Variants in GPR89B observed in about 807,000 individuals in gnomAD.
GPR89B encodes golgi pH regulator B.
GPR89B carries 25 observed loss-of-function variants against 52.4 expected under a neutral mutation model. The ratio of observed to expected loss-of-function variants is 0.48; its 90% CI spans 0.35 to 0.67. GPR89B has a LOEUF of 0.67. GPR89B is among the 30% of genes least tolerant of loss of function. The pLI is 0.01. For synonymous variants in GPR89B, 52 were observed against 151.2 expected, an observed-to-expected ratio of 0.34 and a Z score of 4.81; for missense variants, 146 against 450.2, an observed-to-expected ratio of 0.32 and a Z score of 6.11.
chr1:147,947,569 AATG>A (rs1231911738), intron 5 of GPR89B, among the ~76,000 whole-genome samples: 1 of 151,816 alleles, frequency 6.6e-6, no homozygotes, highest in African/African-American at 2.4e-5. Context: ...AAATGGGGAT[AATG>A]ATGACTGACT....
intron 12 of GPR89B, 117 bp from the exon 13 acceptor site, chr1:147,992,385 A>T: frequency 2.6e-6 from 2 of 774,860 alleles, no homozygotes; most frequent in Non-Finnish European, 4.7e-6. Flanking sequence ...GAATTGTTCT[A>T]TACAGGATTG....
chr1:147,930,851 C>T (rs1653528916), intron 1 of GPR89B, among the ~76,000 whole-genome samples: 1 of 152,090 alleles, frequency 6.6e-6, no homozygotes, highest in Admixed American at 6.5e-5. Context: ...CCTGGCCATG[C>T]TATGGTGCCT....
the GPR89B span, among the ~76,000 whole-genome samples, chr1:148,006,939 A>T: frequency 1.3e-5 from 2 of 150,104 alleles, no homozygotes; most frequent in African/African-American, 4.9e-5. Context: ...CTTGTCTCGA[A>T]CTCCTGACCT....
chr1:147,938,105 C>A (rs1159421602), intron 2 of GPR89B, among the ~76,000 whole-genome samples: 9 of 152,068 alleles, frequency 5.9e-5, no homozygotes, highest in Non-Finnish European at 1.2e-4. Context: ...TGACTTCCCG[C>A]AACACAAGGC....
At chr1:147,970,567 C>A (rs1284239103) in intron 10 of GPR89B, among the ~76,000 whole-genome samples, 2,964 of 142,310 alleles carry the variant, frequency 0.021, 88 homozygotes, top group African/African-American at 0.061. Flanking sequence ...CTCTCTCTCT[C>A]TCTATATATA....
chr1:147,937,867 G>T (rs1654221201), intron 2 of GPR89B, among the ~76,000 whole-genome samples: 1 of 152,148 alleles, frequency 6.6e-6, no homozygotes, highest in Admixed American at 6.5e-5. Flanking sequence ...AGTTTACAAA[G>T]ATGACGGGAT....
intron 10 of GPR89B, among the ~76,000 whole-genome samples, chr1:147,975,107 T>C (rs1657741020): frequency 6.8e-6 from 1 of 146,230 alleles, no homozygotes; most frequent in African/African-American, 2.5e-5. Flanking sequence ...ATCAATGTTC[T>C]TCAGGGATAT....
At chr1:148,005,683 A>G in the GPR89B span, among the ~76,000 whole-genome samples, 1 of 152,170 alleles carries the variant, frequency 6.6e-6, no homozygotes, top group African/African-American at 2.4e-5. Context: ...CACACAAATT[A>G]TAGGCTATGA....
intron 7 of GPR89B, among the ~76,000 whole-genome samples, chr1:147,958,533 G>A (rs1458823832): frequency 5.1e-5 from 7 of 136,150 alleles, no homozygotes. Flanking sequence ...CAGCTACTTT[G>A]GGAGGCTGAG....
chr1:147,958,347 A>G (rs1354090160), intron 7 of GPR89B, among the ~76,000 whole-genome samples: 1 of 151,836 alleles, frequency 6.6e-6, no homozygotes, highest in Non-Finnish European at 1.5e-5. Context: ...TCTTTTATTC[A>G]TATAAAGAAA....
intron 10 of GPR89B, among the ~76,000 whole-genome samples, chr1:147,971,143 T>G (rs1657430628): frequency 6.6e-6 from 1 of 151,184 alleles, no homozygotes; most frequent in Non-Finnish European, 1.5e-5. Context: ...GATGCAGCGT[T>G]TAGGGAAGCA....
intron 4 of GPR89B, 84 bp downstream of exon 4, chr1:147,943,628 A>G (rs1553249291): frequency 2.0e-5 from 27 of 1,342,302 alleles, no homozygotes; most frequent in Non-Finnish European, 2.6e-5. Context: ...TCATTTCTAC[A>G]TTAACTTTCA....
chr1:147,983,583 C>T (rs1365938910), intron 10 of GPR89B, among the ~76,000 whole-genome samples: 37 of 151,942 alleles, frequency 2.4e-4, no homozygotes, highest in Admixed American at 2.4e-3. Context: ...AAAATGCTCA[C>T]CATCACTGGC....
At chr1:147,994,182 TG>T, downstream of GPR89B, 1 of 1,507,622 alleles carries the variant, frequency 6.6e-7, no homozygotes, top group East Asian at 2.4e-5. Context: ...TGGTTTCCAG[TG>T]GAGTTTTTCT....
intron 10 of GPR89B, among the ~76,000 whole-genome samples, chr1:147,974,867 G>GT (rs1657725310): frequency 1.4e-5 from 2 of 142,588 alleles, no homozygotes; most frequent in Admixed American, 7.0e-5. Flanking sequence ...TTTATTGAGA[G>GT]TTTTTAGCAT....
chr1:147,942,820 G>A (rs1178321119), intron 3 of GPR89B, among the ~76,000 whole-genome samples: 2 of 74,580 alleles, frequency 2.7e-5, no homozygotes, highest in African/African-American at 5.4e-5. Context: ...TCTTTATGGC[G>A]TAATGAAAAT....
intron 10 of GPR89B, among the ~76,000 whole-genome samples, chr1:147,977,943 C>T (rs1156460384): frequency 1.3e-5 from 2 of 151,950 alleles, no homozygotes; most frequent in Non-Finnish European, 2.9e-5. Context: ...ACTCCTTTTG[C>T]TCAGCAAAGT....
chr1:147,960,673 G>GAA (rs1331412846), intron 7 of GPR89B, among the ~76,000 whole-genome samples: 7 of 144,792 alleles, frequency 4.8e-5, no homozygotes, highest in Non-Finnish European at 1.1e-4. Context: ...CCAACATAGT[G>GAA]AAACCCTGTC....
At position 147,988,436 on chromosome 1, in the gene GPR89B, A is replaced by G; in HGVS notation, c.1010A>G (p.Lys337Arg). 2.7e-6 allele frequency: 3 copies of G among 1,112,488 alleles called. No homozygotes were observed. The highest frequency in any genetic ancestry group is 4.1e-6 in the Non-Finnish European group (3 of 726,314). The allele number at this position is 1,112,488 out of a possible 1,614,324, so 68.9% of individuals were successfully genotyped here. The part of the protein sequence containing the change: ...VNYLGIQFDV[K>R]FWSQHISFIL... The stretch of plus-strand genomic sequence containing the variant: ...TTTTTCTTGTTATGGTGGCAGGTGA[A>G]GTTTTGGTCCCAACACATTTCCTTC... The change falls in exon 12 of 14, where the codon AAG (lysine) becomes AGG (arginine). Residue 337 changes from lysine to arginine, a missense_variant. Physicochemically the swap from Lys to Arg is conservative, Grantham distance 26 (BLOSUM62 2). Transcript: ENST00000314163.
Sources: gnomAD v4.1 joint callset for allele counts (sites outside exome capture counted in the v4.1 genomes callset) on GRCh38, gnomAD v4.1.1 for gene constraint, MANE v1.5 for transcripts, NCBI Gene and HGNC (gene_info 2026-07-23, HGNC 2026-07-21) for gene names.